NTM: variants seen among roughly 807,000 people sequenced by gnomAD.
The protein encoded by NTM is neurotrimin, also known as IgLON family member 2.
NTM carries 13 observed loss-of-function variants against 42.1 expected under a neutral mutation model. That is an observed-to-expected ratio of 0.31 (90% CI 0.20 to 0.49). The LOEUF (loss-of-function observed/expected upper bound fraction) is 0.49, where lower values mean the gene tolerates loss of function less well. NTM is among the 20% of genes least tolerant of loss of function. The pLI is 0.99. For synonymous variants in NTM, 187 were observed against 179.2 expected, an observed-to-expected ratio of 1.04 and a Z score of -0.35; for missense variants, 373 against 452.8, an observed-to-expected ratio of 0.82 and a Z score of 1.60.
intron 1 of NTM, among the ~76,000 whole-genome samples, chr11:131,462,066 A>G (rs113103640): frequency 1.3e-5 from 2 of 152,186 alleles, no homozygotes; most frequent in African/African-American, 4.8e-5. Flanking sequence ...ACTGAAGAAC[A>G]CCACACAGCA....
chr11:132,264,231 T>A (rs1300967872), intron 4 of NTM, among the ~76,000 whole-genome samples: 2 of 152,228 alleles, frequency 1.3e-5, no homozygotes, highest in Non-Finnish European at 2.9e-5. Flanking sequence ...ATTTTCATAT[T>A]CCAGTTACTA....
At chr11:131,380,403 AT>A (rs1191769819) in intron 1 of NTM, among the ~76,000 whole-genome samples, 4 of 151,526 alleles carry the variant, frequency 2.6e-5, no homozygotes, top group Non-Finnish European at 5.9e-5. Context: ...TAGAGATGGG[AT>A]TTCTCCATGT....
At chr11:131,800,737 A>C (rs2092034952) in intron 1 of NTM, among the ~76,000 whole-genome samples, 1 of 152,112 alleles carries the variant, frequency 6.6e-6, no homozygotes, top group African/African-American at 2.4e-5. Flanking sequence ...TTTCAAGTGC[A>C]ATTTGGCCTT....
rs898519883 is a variant in NTM at position 132,335,316 on chromosome 11, GA to G, written c.*176del. ...AGGGGAACAAAGAATACTTTGGGGG[GA>G]AAAAAGTTTTAAAAAAGAAATTGAA... On this transcript the variant is annotated 3_prime_UTR_variant, in exon 9 of 9. Coordinates refer to ENST00000683400, the MANE Select transcript of NTM (RefSeq NM_001352005.2). 31 of 724,010 alleles carry G rather than the reference GA, an allele frequency of 4.3e-5. No homozygotes were observed. Among genetic ancestry groups the G allele is most frequent in the African/African-American group, 1.1e-4 (6 of 55,196 alleles). 44.8% of individuals were successfully genotyped at this position (724,010 alleles called of 1,614,324 possible). A position where few individuals can be genotyped will look rare whatever the true frequency, so the allele number is the denominator to read the frequency against.
intron 1 of NTM, among the ~76,000 whole-genome samples, chr11:131,474,770 C>A (rs1591773844): frequency 6.6e-6 from 1 of 152,168 alleles, no homozygotes; most frequent in Middle Eastern, 3.4e-3. Context: ...TCATTATATC[C>A]TTCTTGGACT....
At chr11:131,464,835 C>A (rs1283735336) in intron 1 of NTM, among the ~76,000 whole-genome samples, 1 of 152,128 alleles carries the variant, frequency 6.6e-6, no homozygotes, top group Non-Finnish European at 1.5e-5. Context: ...GTCGGATCCT[C>A]CAGGTACTTT....
At chr11:131,671,969 G>C (rs1232991366) in intron 1 of NTM, among the ~76,000 whole-genome samples, 1 of 152,178 alleles carries the variant, frequency 6.6e-6, no homozygotes, top group African/African-American at 2.4e-5. Context: ...CTGGCTGTTG[G>C]CTGCCCCCTG....
intron 1 of NTM, among the ~76,000 whole-genome samples, chr11:131,411,801 T>C (rs1194380671): frequency 3.3e-5 from 5 of 152,178 alleles, no homozygotes; most frequent in African/African-American, 9.7e-5. Context: ...TCAGAGCACA[T>C]GGCTGTCACT....
intron 2 of NTM, among the ~76,000 whole-genome samples, chr11:132,025,484 G>GCA (rs1565973817): frequency 6.6e-6 from 1 of 152,132 alleles, no homozygotes; most frequent in Non-Finnish European, 1.5e-5. Flanking sequence ...AGTTAGAAAT[G>GCA]CACATACTCG....
At chr11:132,191,228 C>CCCCA (rs1473452405) in intron 3 of NTM, among the ~76,000 whole-genome samples, 1 of 152,186 alleles carries the variant, frequency 6.6e-6, no homozygotes, top group Non-Finnish European at 1.5e-5. Flanking sequence ...AGCCACCCAA[C>CCCCA]CCCACCACCA....
intron 2 of NTM, among the ~76,000 whole-genome samples, chr11:132,126,108 AC>A (rs1404435324): frequency 6.6e-6 from 1 of 152,060 alleles, no homozygotes; most frequent in Non-Finnish European, 1.5e-5. Context: ...GGGTCTCGCC[AC>A]CTGGGTGTGT....
intron 1 of NTM, among the ~76,000 whole-genome samples, chr11:131,670,185 C>T (rs1266437431): frequency 7.9e-5 from 12 of 152,242 alleles, no homozygotes; most frequent in Non-Finnish European, 1.3e-4. Flanking sequence ...TAACAGAAGG[C>T]GCCCCAAAAG....
intron 1 of NTM, among the ~76,000 whole-genome samples, chr11:131,891,819 TC>T (rs1184495374): frequency 6.6e-6 from 1 of 152,242 alleles, no homozygotes; most frequent in Non-Finnish European, 1.5e-5. Context: ...CTTTTACATG[TC>T]CCATTTTTTC....
chr11:131,895,737 C>A (rs2052165954), intron 1 of NTM, among the ~76,000 whole-genome samples: 1 of 151,710 alleles, frequency 6.6e-6, no homozygotes. Flanking sequence ...TAATTGATTT[C>A]AACTAATAGA....
intron 2 of NTM, among the ~76,000 whole-genome samples, chr11:131,931,246 G>A (rs78767034): frequency 0.02 from 3,075 of 152,002 alleles, 111 homozygotes; most frequent in African/African-American, 0.071. Flanking sequence ...CTAGAGTTCA[G>A]GACCAGCCTG....
At chr11:131,780,792 T>A (rs564907175) in intron 1 of NTM, among the ~76,000 whole-genome samples, 1 of 152,192 alleles carries the variant, frequency 6.6e-6, no homozygotes, top group Non-Finnish European at 1.5e-5. Context: ...AGGGTCCTTA[T>A]GGTTCCCAGG....
At chr11:131,899,215 C>A (rs1196859767) in intron 1 of NTM, among the ~76,000 whole-genome samples, 1 of 152,052 alleles carries the variant, frequency 6.6e-6, no homozygotes, top group African/African-American at 2.4e-5. Context: ...GGGTCCCCAG[C>A]CCAGTGAAGA....
chr11:131,880,935 C>T (rs1447397429), intron 1 of NTM, among the ~76,000 whole-genome samples: 1 of 152,146 alleles, frequency 6.6e-6, no homozygotes, highest in East Asian at 1.9e-4. Flanking sequence ...AGGGAACAGT[C>T]AGATGCTTAA....
chr11:132,175,615 T>C lies in NTM; in HGVS notation c.400+29101T>C, dbSNP rs2076693055. On this transcript the variant is annotated intron_variant, in intron 3 of 8. Transcript: ENST00000683400. ...CCCCCCTTTTTTTTTTCAGACAGAG[T>C]CTCGCTCAGTCGCCCAGGCTGGAGT... Among the ~76,000 whole-genome samples, 3 of 150,938 alleles carry C rather than the reference T, an allele frequency of 2.0e-5. No individual in the cohort carries two copies. The South Asian group carries it at 6.3e-4, about 32-fold the overall frequency.
Sources: gnomAD v4.1 joint callset for allele counts (sites outside exome capture counted in the v4.1 genomes callset) on GRCh38, gnomAD v4.1.1 for gene constraint, MANE v1.5 for transcripts, NCBI Gene and HGNC (gene_info 2026-07-23, HGNC 2026-07-21) for gene names.